CNTN1: variants seen among roughly 807,000 people sequenced by gnomAD.
CNTN1 encodes the protein contactin 1.
CNTN1 carries 38 observed loss-of-function variants against 126.4 expected under a neutral mutation model. That is an observed-to-expected ratio of 0.30 (90% confidence interval 0.23 to 0.39). The LOEUF (loss-of-function observed/expected upper bound fraction) is 0.39, where lower values mean the gene tolerates loss of function less well. Ranked by LOEUF, CNTN1 falls within the 10% of genes least tolerant of loss-of-function variation. The pLI is 1.00. For synonymous variants in CNTN1, 413 were observed against 422.6 expected, an observed-to-expected ratio of 0.98 and a Z score of 0.28; for missense variants, 1,009 against 1,248.4, an observed-to-expected ratio of 0.81 and a Z score of 2.89.
chr12:40,799,451 T>A (rs1391579911), intron 1 of CNTN1, among the ~76,000 whole-genome samples: 2 of 151,992 alleles, frequency 1.3e-5, no homozygotes, highest in Non-Finnish European at 2.9e-5. Context: ...ATTAAGAAGT[T>A]GGTAAAAATT....
intron 1 of CNTN1, among the ~76,000 whole-genome samples, chr12:40,733,713 A>C (rs1206436756): frequency 1.3e-5 from 2 of 152,014 alleles, no homozygotes; most frequent in African/African-American, 4.8e-5. Flanking sequence ...AAAAAGAATA[A>C]ATATTCTTTC....
chr12:40,755,161 A>G (rs1244029388), intron 1 of CNTN1, among the ~76,000 whole-genome samples: 1 of 117,974 alleles, frequency 8.5e-6, no homozygotes. Context: ...ACTGCATTCC[A>G]TCCAGGGCAA....
intron 1 of CNTN1, among the ~76,000 whole-genome samples, chr12:40,906,669 C>CTTGTTTTTT (rs1944830209): frequency 9.3e-6 from 1 of 107,212 alleles, no homozygotes; most frequent in African/African-American, 3.7e-5. Flanking sequence ...GTTTTTCATG[C>CTTGTTTTTT]TTTTTTTTTG....
At position 40,851,913 on chromosome 12, in the gene CNTN1, G is replaced by A. The variant is rs145308751; in HGVS notation, c.-76-56444G>A. On this transcript the variant is annotated intron_variant, in intron 1 of 23. Coordinates refer to ENST00000551295, the MANE Select transcript of CNTN1 (RefSeq NM_001843.4). ...TAGGACATATGTACAGAAAATGGCA[G>A]CATTAGCATAATCTGAGGGTCAAGT... Among the ~76,000 whole-genome samples the A allele has an allele frequency of 1.7e-3, 260 of 152,286 alleles. 6 individuals are homozygous for A. The East Asian group carries it at 0.034, about 20-fold the overall frequency.
At chr12:40,877,985 T>C (rs1181393243) in intron 1 of CNTN1, among the ~76,000 whole-genome samples, 1 of 138,758 alleles carries the variant, frequency 7.2e-6, no homozygotes, top group Non-Finnish European at 1.5e-5. Context: ...AAACAGTTTT[T>C]TCCTTTTTTT....
At chr12:40,809,898 A>G (rs1940993864) in intron 1 of CNTN1, among the ~76,000 whole-genome samples, 1 of 152,112 alleles carries the variant, frequency 6.6e-6, no homozygotes, top group Admixed American at 6.6e-5. Flanking sequence ...GGAGAATTTT[A>G]CAACTCTACA....
At chr12:40,800,956 T>A (rs2136483710) in intron 1 of CNTN1, among the ~76,000 whole-genome samples, 1 of 150,790 alleles carries the variant, frequency 6.6e-6, no homozygotes, top group East Asian at 2.0e-4. Flanking sequence ...TAAGAATGAG[T>A]AAGTTTGGAC....
chr12:40,940,583 C>T (rs1423786837), intron 12 of CNTN1, among the ~76,000 whole-genome samples: 1 of 152,022 alleles, frequency 6.6e-6, no homozygotes, highest in Non-Finnish European at 1.5e-5. Flanking sequence ...TTAAAGTGAC[C>T]TTCTGCAAAA....
At chr12:40,854,905 A>G (rs1237932160) in intron 1 of CNTN1, among the ~76,000 whole-genome samples, 1 of 152,108 alleles carries the variant, frequency 6.6e-6, no homozygotes, top group Admixed American at 6.6e-5. Context: ...AGAGGGCTGA[A>G]AAGTCCTGTA....
At chr12:40,765,004 A>G (rs992253578) in intron 1 of CNTN1, among the ~76,000 whole-genome samples, 2 of 151,986 alleles carry the variant, frequency 1.3e-5, no homozygotes, top group African/African-American at 4.8e-5. Flanking sequence ...AAAATGTTCC[A>G]TAAGCACTTG....
intron 23 of CNTN1, among the ~76,000 whole-genome samples, chr12:41,060,814 T>G (rs1949924476): frequency 6.6e-6 from 1 of 152,210 alleles, no homozygotes; most frequent in Admixed American, 6.5e-5. Flanking sequence ...AGAACCCAGA[T>G]ACCAAGGTCT....
At chr12:40,793,624 G>A (rs1419734893) in intron 1 of CNTN1, among the ~76,000 whole-genome samples, 2 of 152,040 alleles carry the variant, frequency 1.3e-5, no homozygotes, top group African/African-American at 2.4e-5. Flanking sequence ...TCTTCAAAGA[G>A]CATAAGCCAA....
intron 1 of CNTN1, among the ~76,000 whole-genome samples, chr12:40,774,493 T>C (rs1939497843): frequency 6.6e-6 from 1 of 151,726 alleles, no homozygotes; most frequent in Admixed American, 6.6e-5. Context: ...AGAATGATTA[T>C]AGAAAATATA....
chr12:40,706,864 C>T (rs1294261865), intron 1 of CNTN1, among the ~76,000 whole-genome samples: 1 of 152,174 alleles, frequency 6.6e-6, no homozygotes, highest in Admixed American at 6.5e-5. Context: ...AATCCTGACT[C>T]TCATCCCTAC....
rs772797067 is a variant in CNTN1, at chr12:41,070,022, A to G, written c.3044A>G (p.Tyr1015Cys). Residue 1015 changes from tyrosine to cysteine, a missense_variant, in exon 24 of 24, where the codon TAC becomes TGC. Physicochemically the swap from Tyr to Cys is radical, Grantham distance 194. Transcript: ENST00000551295. ...CTGCCTGCCTTTGGCATCCTTGTCT[A>G]CTTGGAATTCTGAATGTGTTGTGAC... ...LLLPAFGILVYLEF is the reference protein window; with the variant it reads ...LLLPAFGILVCLEF 1 of 1,613,962 alleles carries G rather than the reference A, an allele frequency of 6.2e-7. No homozygotes were observed. The highest frequency in any genetic ancestry group is 1.1e-5 in the South Asian group (1 of 91,066).
chr12:40,792,240 C>G (rs2136467179), intron 1 of CNTN1, among the ~76,000 whole-genome samples: 1 of 152,100 alleles, frequency 6.6e-6, no homozygotes, highest in African/African-American at 2.4e-5. Flanking sequence ...ATCTCAGCTC[C>G]TCCACCCACT....
chr12:40,813,165 T>G (rs532652441), intron 1 of CNTN1, among the ~76,000 whole-genome samples: 45 of 150,758 alleles, frequency 3.0e-4, no homozygotes, highest in African/African-American at 1.1e-3. Context: ...CCCTCCTTTC[T>G]TTTCATTTTT....
At chr12:40,707,646 A>C (rs961053731) in intron 1 of CNTN1, among the ~76,000 whole-genome samples, 4 of 152,126 alleles carry the variant, frequency 2.6e-5, no homozygotes, top group African/African-American at 9.7e-5. Context: ...AATTTATTTC[A>C]GTGCACAAAA....
chr12:41,042,881 G>A (rs1056736175), intron 23 of CNTN1, among the ~76,000 whole-genome samples: 44 of 152,148 alleles, frequency 2.9e-4, no homozygotes, highest in African/African-American at 9.9e-4. Context: ...ACAAACCTGG[G>A]AAAAACAAGC....
Sources: allele counts gnomAD v4.1 joint callset (sites outside exome capture counted in the v4.1 genomes callset), GRCh38; gene constraint gnomAD v4.1.1; transcripts MANE v1.5; gene names NCBI Gene and HGNC (gene_info 2026-07-23, HGNC 2026-07-21).